Variants in CSRNP3 observed in about 807,000 individuals in gnomAD.
The protein encoded by CSRNP3 is cysteine/serine-rich nuclear protein 3.
A neutral mutation model predicts 48.0 loss-of-function variants in CSRNP3; 12 were observed. That is an observed-to-expected ratio of 0.25 (90% CI 0.16 to 0.41). The LOEUF is 0.41. Ranked by LOEUF, CSRNP3 falls within the 10% of genes least tolerant of loss-of-function variation. The probability of loss-of-function intolerance (pLI) is 1.00; values close to 1 mark genes in which losing one functional copy is unlikely to be tolerated. For missense variants in CSRNP3, 580 were observed against 724.4 expected, an observed-to-expected ratio of 0.80 and a Z score of 2.29; for synonymous variants, 263 against 269.7, an observed-to-expected ratio of 0.98 and a Z score of 0.24.
intron 1 of CSRNP3, among the ~76,000 whole-genome samples, chr2:165,475,825 T>C (rs1297725227): frequency 6.6e-6 from 1 of 152,190 alleles, no homozygotes. Flanking sequence ...TCTTGCAGAC[T>C]TTTTATTGTC....
intron 1 of CSRNP3, among the ~76,000 whole-genome samples, chr2:165,481,732 G>A (rs1378354919): frequency 1.3e-5 from 2 of 152,082 alleles, no homozygotes; most frequent in African/African-American, 4.8e-5. Context: ...TGTACCAGTG[G>A]GGTAGGGAGT....
At chr2:165,624,293 C>T (rs1686391369) in intron 4 of CSRNP3, among the ~76,000 whole-genome samples, 1 of 152,170 alleles carries the variant, frequency 6.6e-6, no homozygotes, top group Non-Finnish European at 1.5e-5. Context: ...TGAATATATG[C>T]ACCCCACACT....
At chr2:165,503,702 A>G (rs1684387741) in intron 2 of CSRNP3, among the ~76,000 whole-genome samples, 1 of 152,016 alleles carries the variant, frequency 6.6e-6, no homozygotes, top group African/African-American at 2.4e-5. Flanking sequence ...TATTTTATGC[A>G]CAGCAGAATT....
At position 165,685,412 on chromosome 2, in the gene CSRNP3, G is replaced by A. The variant is rs986513317; in HGVS notation, c.*5659G>A. On this transcript the variant is annotated 3_prime_UTR_variant, in exon 7 of 7. Coordinates refer to ENST00000651982, the MANE Select transcript of CSRNP3 (RefSeq NM_001172173.2). ...GCTAGTCTAAGTCTGTGCTGTCTTG[G>A]CATGCCTTGGGTTTCCTATCCTGAG... 6.6e-6 allele frequency: 1 copy of A among 152,004 alleles called. No homozygotes were observed. The highest frequency in any genetic ancestry group is 2.4e-5 in the African/African-American group (1 of 41,426). The allele number at this position is 152,004 out of a possible 1,614,324, so 9.4% of individuals were successfully genotyped here.
intron 2 of CSRNP3, among the ~76,000 whole-genome samples, chr2:165,514,248 T>C (rs896518897): frequency 6.6e-6 from 1 of 152,184 alleles, no homozygotes; most frequent in African/African-American, 2.4e-5. Context: ...AGCCCAACCA[T>C]AGGGCGTGGA....
chr2:165,523,070 G>A (rs1030241410), intron 3 of CSRNP3, among the ~76,000 whole-genome samples: 5 of 152,182 alleles, frequency 3.3e-5, no homozygotes, highest in African/African-American at 1.2e-4. Context: ...AGAAAATTGA[G>A]GTCATTGTGT....
At chr2:165,611,229 T>C (rs914241807) in intron 4 of CSRNP3, among the ~76,000 whole-genome samples, 1 of 152,060 alleles carries the variant, frequency 6.6e-6, no homozygotes, top group Non-Finnish European at 1.5e-5. Context: ...GGGGAAGTAT[T>C]GCAGAATGGA....
intron 4 of CSRNP3, among the ~76,000 whole-genome samples, chr2:165,657,126 C>T (rs1352119861): frequency 6.6e-6 from 1 of 152,188 alleles, no homozygotes; most frequent in African/African-American, 2.4e-5. Context: ...CTTTGTCCAG[C>T]ACATCAGTGC....
intron 2 of CSRNP3, among the ~76,000 whole-genome samples, chr2:165,506,687 C>CAA (rs1684430527): frequency 6.6e-6 from 1 of 152,044 alleles, no homozygotes; most frequent in African/African-American, 2.4e-5. Flanking sequence ...GTCTCAGCTC[C>CAA]CTCAAAACCA....
intron 3 of CSRNP3, among the ~76,000 whole-genome samples, chr2:165,558,992 CA>C (rs1685196380): frequency 6.6e-6 from 1 of 152,084 alleles, no homozygotes; most frequent in African/African-American, 2.4e-5. Flanking sequence ...ACCAAATCTA[CA>C]AACTCATCTA....
At chr2:165,497,666 A>C (rs764394814) in intron 2 of CSRNP3, among the ~76,000 whole-genome samples, 14 of 152,140 alleles carry the variant, frequency 9.2e-5, no homozygotes, top group Non-Finnish European at 1.9e-4. Context: ...GAGAACTAGT[A>C]GGACCTTTGA....
chr2:165,617,962 CA>C (rs1416193808), intron 4 of CSRNP3, among the ~76,000 whole-genome samples: 1 of 152,186 alleles, frequency 6.6e-6, no homozygotes, highest in Non-Finnish European at 1.5e-5. Context: ...TGTCAACATG[CA>C]GCGGTTATTG....
At chr2:165,653,607 G>A (rs976214395) in intron 4 of CSRNP3, among the ~76,000 whole-genome samples, 2 of 152,110 alleles carry the variant, frequency 1.3e-5, no homozygotes, top group African/African-American at 4.8e-5. Flanking sequence ...AACTGCAGGT[G>A]GAGATCTAAA....
At chr2:165,670,538 A>G (rs1315010541) in intron 5 of CSRNP3, among the ~76,000 whole-genome samples, 3 of 152,234 alleles carry the variant, frequency 2.0e-5, no homozygotes, top group Admixed American at 6.5e-5. Flanking sequence ...CTTGATGCAC[A>G]TCCTCATTAC....
intron 4 of CSRNP3, among the ~76,000 whole-genome samples, chr2:165,604,814 C>T (rs1416912885): frequency 6.6e-6 from 1 of 152,142 alleles, no homozygotes; most frequent in African/African-American, 2.4e-5. Context: ...AAATACAGTT[C>T]ATTTAGTTCT....
intron 3 of CSRNP3, among the ~76,000 whole-genome samples, chr2:165,538,252 TTTA>T (rs1684906960): frequency 6.6e-6 from 1 of 152,052 alleles, no homozygotes; most frequent in South Asian, 2.1e-4. Flanking sequence ...TATAATTCCT[TTTA>T]TTATTATTAA....
chr2:165,526,090 C>T (rs767156464), intron 3 of CSRNP3, among the ~76,000 whole-genome samples: 13 of 152,100 alleles, frequency 8.5e-5, no homozygotes, highest in African/African-American at 1.7e-4. Flanking sequence ...GTCCGACTGA[C>T]GTATGTATTT....
chr2:165,520,788 T>TAC (rs769836505), intron 3 of CSRNP3, among the ~76,000 whole-genome samples: 2,334 of 9,004 alleles, frequency 0.26, 81 homozygotes, highest in Non-Finnish European at 0.31. Flanking sequence ...ATATATTATA[T>TAC]ATATATATAT....
intron 3 of CSRNP3, among the ~76,000 whole-genome samples, chr2:165,521,390 A>G (rs1395365081): frequency 6.6e-6 from 1 of 152,162 alleles, no homozygotes; most frequent in Non-Finnish European, 1.5e-5. Context: ...GGTAGAAAAT[A>G]GCATATGCTT....
Sources: allele counts gnomAD v4.1 joint callset (sites outside exome capture counted in the v4.1 genomes callset), GRCh38; gene constraint gnomAD v4.1.1; transcripts MANE v1.5; gene names NCBI Gene and HGNC (gene_info 2026-07-23, HGNC 2026-07-21).